CAMK2D: variants seen among roughly 807,000 people sequenced by gnomAD.
CAMK2D encodes calcium/calmodulin dependent protein kinase II delta, also known as calcium/calmodulin-dependent protein kinase type II subunit delta.
Under a neutral mutation model 84.0 loss-of-function variants are expected in CAMK2D, and 37 were observed. The ratio of observed to expected loss-of-function variants is 0.44; its 90% CI spans 0.34 to 0.58. The LOEUF (loss-of-function observed/expected upper bound fraction) is 0.58, where lower values mean the gene tolerates loss of function less well. Among genes scored for constraint, CAMK2D ranks in the 20% least tolerant of loss-of-function variants. CAMK2D has a pLI of 0.02. For synonymous variants in CAMK2D, 202 were observed against 212.5 expected (o/e 0.95, Z 0.43); for missense variants, 448 against 652.5 (o/e 0.69, Z 3.41).
At chr4:113,616,548 T>C (rs893340093) in intron 3 of CAMK2D, among the ~76,000 whole-genome samples, 8 of 152,192 alleles carry the variant, frequency 5.3e-5, no homozygotes, top group Non-Finnish European at 1.0e-4. Context: ...AAATAGTTAT[T>C]ACCTGGGAGA....
intron 2 of CAMK2D, among the ~76,000 whole-genome samples, chr4:113,696,732 T>C (rs1030240933): frequency 6.6e-6 from 1 of 152,122 alleles, no homozygotes; most frequent in Admixed American, 6.6e-5. Context: ...AATAGATTAC[T>C]CAATCCTCAC....
chr4:113,658,136 T>G (rs1350485525), intron 3 of CAMK2D, among the ~76,000 whole-genome samples: 1 of 152,210 alleles, frequency 6.6e-6, no homozygotes, highest in Non-Finnish European at 1.5e-5. Flanking sequence ...GATGTCCACT[T>G]ATGGCATCTG....
At chr4:113,601,683 C>CTT (rs755850795) in intron 4 of CAMK2D, among the ~76,000 whole-genome samples, 737 of 45,706 alleles carry the variant, frequency 0.016, 43 homozygotes, top group African/African-American at 0.059. Context: ...ACTGTTTATT[C>CTT]TTTTTTTTTT....
At chr4:113,546,554 A>T (rs1225501692) in intron 6 of CAMK2D, among the ~76,000 whole-genome samples, 1 of 152,242 alleles carries the variant, frequency 6.6e-6, no homozygotes, top group Non-Finnish European at 1.5e-5. Flanking sequence ...CTTCTAGAAC[A>T]TTAAGTGACT....
chr4:113,632,151 T>C (rs1335473049), intron 3 of CAMK2D, among the ~76,000 whole-genome samples: 1 of 152,200 alleles, frequency 6.6e-6, no homozygotes. Flanking sequence ...AGTGGAAACA[T>C]TCTCCAAATC....
At chr4:113,688,618 C>T (rs1487114617) in intron 2 of CAMK2D, among the ~76,000 whole-genome samples, 1 of 152,150 alleles carries the variant, frequency 6.6e-6, no homozygotes, top group East Asian at 1.9e-4. Context: ...CAGAACTCAT[C>T]CTCTTCTAGT....
In CAMK2D at chr4:113,630,498, A is replaced by G. The variant is rs1038668819; in HGVS notation, c.221-21292T>C. 2.6e-5 allele frequency among the ~76,000 whole-genome samples: 4 copies of G among 152,172 alleles called. No homozygotes were observed. In the East Asian group the frequency reaches 7.7e-4, roughly 29 times the overall value. ...TTGAATAGCTTCCAGAATTGTTGGG[A>G]GGGCTCAGGAATAAGTTTCCAGAAA... is the stretch of plus-strand genomic sequence containing the variant. On this transcript the variant is annotated intron_variant, in intron 3 of 20. Transcript: ENST00000511664.
At chr4:113,739,542 A>C (rs2099588248) in intron 2 of CAMK2D, among the ~76,000 whole-genome samples, 1 of 152,202 alleles carries the variant, frequency 6.6e-6, no homozygotes, top group Admixed American at 6.5e-5. Context: ...AGTCTAAAAA[A>C]AGTCTATGAT....
intron 18 of CAMK2D, 37 bp from the exon 19 acceptor site, chr4:113,457,600 C>T (rs2097318821): frequency 6.3e-7 from 1 of 1,584,432 alleles, no homozygotes. Context: ...AATTTAGTTT[C>T]TATGTAAAGG....
intron 16 of CAMK2D, among the ~76,000 whole-genome samples, chr4:113,469,638 TG>T (rs1564453783): frequency 6.6e-6 from 1 of 152,180 alleles, no homozygotes; most frequent in Non-Finnish European, 1.5e-5. Context: ...AGCCTCCATT[TG>T]GGTATCTCAA....
chr4:113,504,403 A>T (rs1464233353), intron 14 of CAMK2D, among the ~76,000 whole-genome samples: 1 of 152,218 alleles, frequency 6.6e-6, no homozygotes, highest in Non-Finnish European at 1.5e-5. Context: ...AAAGTGAAAC[A>T]GTGAAAATTT....
chr4:113,585,056 G>C (rs2098827666), intron 4 of CAMK2D, among the ~76,000 whole-genome samples: 2 of 152,224 alleles, frequency 1.3e-5, no homozygotes, highest in South Asian at 2.1e-4. Context: ...AATGTAACTA[G>C]AGACTTCTCA....
At chr4:113,652,473 AG>A (rs1017503905) in intron 3 of CAMK2D, among the ~76,000 whole-genome samples, 38 of 152,230 alleles carry the variant, frequency 2.5e-4, no homozygotes, top group African/African-American at 8.7e-4. Flanking sequence ...TAAAGGGAAA[AG>A]AGGAATGATT....
At chr4:113,668,137 C>T (rs188589575) in intron 2 of CAMK2D, among the ~76,000 whole-genome samples, 12 of 152,022 alleles carry the variant, frequency 7.9e-5, no homozygotes, top group South Asian at 6.2e-4. Context: ...AAAAAAATTA[C>T]GTGAAAAAAG....
At chr4:113,523,772 G>GAAATAAAT (rs201909658) in intron 8 of CAMK2D, among the ~76,000 whole-genome samples, 41 of 151,138 alleles carry the variant, frequency 2.7e-4, no homozygotes, top group Middle Eastern at 3.4e-3. Flanking sequence ...ACCCTGTCTC[G>GAAATAAAT]AAATAAATAA....
chr4:113,494,035 T>C (rs923907672), intron 16 of CAMK2D, among the ~76,000 whole-genome samples: 1 of 152,132 alleles, frequency 6.6e-6, no homozygotes, highest in Non-Finnish European at 1.5e-5. Context: ...ATTCTAGTTA[T>C]ACCTTCTTCT....
At chr4:113,686,542 T>C (rs2099360439) in intron 2 of CAMK2D, among the ~76,000 whole-genome samples, 1 of 152,216 alleles carries the variant, frequency 6.6e-6, no homozygotes, top group Non-Finnish European at 1.5e-5. Flanking sequence ...TGATTTTTAT[T>C]ACACCTTTGA....
At chr4:113,513,074 G>T in intron 12 of CAMK2D, 1 of 532,178 alleles carries the variant, frequency 1.9e-6, no homozygotes, top group Non-Finnish European at 2.4e-6. Context: ...TCCTGCACCA[G>T]CACTGACTGG....
At chr4:113,675,509 C>G (rs1299035002) in intron 2 of CAMK2D, among the ~76,000 whole-genome samples, 2 of 152,084 alleles carry the variant, frequency 1.3e-5, no homozygotes, top group East Asian at 3.9e-4. Context: ...AGATGTATCC[C>G]CATATCAGAG....
Sources: gnomAD v4.1 joint callset for allele counts (sites outside exome capture counted in the v4.1 genomes callset) on GRCh38, gnomAD v4.1.1 for gene constraint, MANE v1.5 for transcripts, NCBI Gene and HGNC (gene_info 2026-07-23, HGNC 2026-07-21) for gene names.